The following ODAD2 variants were observed in gnomAD, a reference collection of about 807,000 sequenced individuals.
ODAD2 encodes outer dynein arm docking complex subunit 2.
Under a neutral mutation model 106.8 loss-of-function variants are expected in ODAD2, and 89 were observed. The ratio of observed to expected loss-of-function variants is 0.83; its 90% CI spans 0.70 to 0.99. The LOEUF is 0.99. Ranked by LOEUF, ODAD2 falls within the 50% of genes least tolerant of loss-of-function variation. The pLI is 0.00. For synonymous variants in ODAD2, 404 were observed against 436.2 expected, an observed-to-expected ratio of 0.93 and a Z score of 0.92; for missense variants, 1,168 against 1,238.5, an observed-to-expected ratio of 0.94 and a Z score of 0.85.
intron 17 of ODAD2, among the ~76,000 whole-genome samples, chr10:27,893,569 T>G (rs1842692843): frequency 8.1e-6 from 1 of 123,524 alleles, no homozygotes; most frequent in African/African-American, 2.9e-5. Flanking sequence ...TATTTCAAAG[T>G]GATGCCAAAT....
chr10:27,923,849 T>C (rs1254944946), intron 16 of ODAD2, among the ~76,000 whole-genome samples: 1 of 151,684 alleles, frequency 6.6e-6, no homozygotes, highest in African/African-American at 2.4e-5. Context: ...CTTGGGAGGC[T>C]GAGGTGGTAG....
chr10:27,825,411 A>G (rs941139623), intron 19 of ODAD2, among the ~76,000 whole-genome samples: 8 of 152,206 alleles, frequency 5.3e-5, no homozygotes, highest in Admixed American at 5.2e-4. Flanking sequence ...AGAAAAGACA[A>G]CTTAGTGATC....
At chr10:27,997,406 A>G (rs137875876) in intron 1 of ODAD2, 71 of 152,290 alleles carry the variant, frequency 4.7e-4, no homozygotes, top group African/African-American at 1.7e-3. Context: ...TGTTTTGGTA[A>G]TCTTATAAAG....
chr10:27,832,668 A>G (rs567454291), intron 19 of ODAD2, among the ~76,000 whole-genome samples: 3 of 152,326 alleles, frequency 2.0e-5, no homozygotes, highest in East Asian at 1.9e-4. Context: ...GAATTACCAG[A>G]GCACACGTGA....
At chr10:27,881,475 A>T (rs73604092) in intron 17 of ODAD2, among the ~76,000 whole-genome samples, 2,192 of 152,138 alleles carry the variant, frequency 0.014, 48 homozygotes, top group African/African-American at 0.051. Flanking sequence ...TACAAAAAAA[A>T]AAAAATTAAA....
At chr10:27,970,122 A>G (rs1157099558) in intron 8 of ODAD2, among the ~76,000 whole-genome samples, 13 of 148,850 alleles carry the variant, frequency 8.7e-5, no homozygotes, top group Non-Finnish European at 1.8e-4. Context: ...ATAAATAAAT[A>G]AATAAATAAA....
chr10:27,832,319 C>A (rs1228267906), intron 19 of ODAD2, among the ~76,000 whole-genome samples: 2 of 152,204 alleles, frequency 1.3e-5, no homozygotes, highest in African/African-American at 4.8e-5. Context: ...CTTACTTGTA[C>A]ACAGACTTGA....
intron 17 of ODAD2, among the ~76,000 whole-genome samples, chr10:27,905,519 T>C (rs763663184): frequency 2.0e-5 from 3 of 152,176 alleles, no homozygotes; most frequent in Non-Finnish European, 2.9e-5. Flanking sequence ...AAAACTACTT[T>C]AAATTTCATA....
In ODAD2 at chr10:27,907,734, G is replaced by A; in HGVS notation, c.2539C>T (p.Leu847=). The change falls in exon 17 of 20, where the codon CTG becomes TTG. Residue 847 remains leucine (L), a synonymous_variant. Transcript: ENST00000305242. ...LDGVRLLWSL[L]KNPHPDVKAS... ...TTCACGTCTGGGTGAGGATTTTTCA[G>A]CAGGGACCACAACAAACGAACTCCA... 1.2e-6 allele frequency: 2 copies of A among 1,613,866 alleles called. No individual in the cohort carries two copies. Among genetic ancestry groups the A allele is most frequent in the Non-Finnish European group, 1.7e-6 (2 of 1,179,858 alleles).
chr10:27,874,291 G>C lies in ODAD2; in HGVS notation c.2611-11669C>G, dbSNP rs556581144. 8.9e-4 allele frequency among the ~76,000 whole-genome samples: 136 copies of C among 152,032 alleles called. 1 individual carries two copies. Among genetic ancestry groups the C allele is most frequent in the Admixed American group, 1.4e-3 (22 of 15,258 alleles). ...GTCTCCTGAATACAGCACACTGATG[G>C]GTCTTGACTCTTTACCCACTTTGCC... On this transcript the variant is annotated intron_variant, in intron 17 of 19. Coordinates refer to ENST00000305242, the MANE Select transcript of ODAD2 (RefSeq NM_018076.5).
chr10:27,906,855 G>A (rs559893170), intron 17 of ODAD2, among the ~76,000 whole-genome samples: 17 of 152,238 alleles, frequency 1.1e-4, no homozygotes, highest in South Asian at 1.0e-3. Context: ...ACACATCGGG[G>A]CCTGTCAGGG....
At chr10:27,891,069 C>T (rs1393424239) in intron 17 of ODAD2, among the ~76,000 whole-genome samples, 3 of 152,130 alleles carry the variant, frequency 2.0e-5, no homozygotes, top group Non-Finnish European at 4.4e-5. Flanking sequence ...CCTCCACAAG[C>T]CTTCTTCTCA....
At chr10:27,840,313 G>C (rs1362376865) in intron 19 of ODAD2, among the ~76,000 whole-genome samples, 1 of 152,164 alleles carries the variant, frequency 6.6e-6, no homozygotes, top group Non-Finnish European at 1.5e-5. Context: ...TGTGACAAAA[G>C]ATAGTGAATA....
At chr10:27,932,751 C>A (rs1845700249) in intron 16 of ODAD2, among the ~76,000 whole-genome samples, 1 of 152,168 alleles carries the variant, frequency 6.6e-6, no homozygotes, top group Admixed American at 6.5e-5. Context: ...AACTCCCACC[C>A]AGTCACTCTT....
intron 7 of ODAD2, among the ~76,000 whole-genome samples, chr10:27,977,780 G>T (rs1341025804): frequency 6.6e-6 from 1 of 152,048 alleles, no homozygotes; most frequent in Non-Finnish European, 1.5e-5. Flanking sequence ...TGGCCAATAA[G>T]CACATGAAAA....
intron 14 of ODAD2, among the ~76,000 whole-genome samples, chr10:27,938,448 C>T (rs140409453): frequency 0.011 from 1,599 of 152,210 alleles, 12 homozygotes; most frequent in Non-Finnish European, 0.016. Flanking sequence ...AAGAAACTAA[C>T]TTTGGTCTGA....
intron 19 of ODAD2, among the ~76,000 whole-genome samples, chr10:27,835,284 T>C (rs1304799686): frequency 1.3e-5 from 2 of 152,208 alleles, no homozygotes; most frequent in Non-Finnish European, 2.9e-5. Flanking sequence ...ACTGAATACC[T>C]GCTGTCTGAG....
At chr10:27,833,163 A>C (rs766678622) in intron 19 of ODAD2, among the ~76,000 whole-genome samples, 2 of 152,150 alleles carry the variant, frequency 1.3e-5, no homozygotes, top group African/African-American at 2.4e-5. Context: ...TTTAGAGGTG[A>C]CTCTGGGATG....
chr10:27,829,944 A>G (rs1486969520), intron 19 of ODAD2, among the ~76,000 whole-genome samples: 1 of 147,102 alleles, frequency 6.8e-6, no homozygotes, highest in Admixed American at 6.8e-5. Context: ...AAAAAAAAAA[A>G]TGTAAGCAGT....
Sources: allele counts gnomAD v4.1 joint callset (sites outside exome capture counted in the v4.1 genomes callset), GRCh38; gene constraint gnomAD v4.1.1; transcripts MANE v1.5; gene names NCBI Gene and HGNC (gene_info 2026-07-23, HGNC 2026-07-21).